The following ZHX3 variants were observed in gnomAD, a reference collection of about 807,000 sequenced individuals.
The protein encoded by ZHX3 is zinc fingers and homeoboxes 3, also known as zinc fingers and homeoboxes protein 3.
A neutral mutation model predicts 64.5 loss-of-function variants in ZHX3; 20 were observed. That is an observed-to-expected ratio of 0.31 (90% CI 0.22 to 0.45). ZHX3 has a LOEUF of 0.45. ZHX3 is among the 20% of genes least tolerant of loss of function. The probability of loss-of-function intolerance (pLI) is 1.00; values close to 1 mark genes in which losing one functional copy is unlikely to be tolerated. For synonymous variants in ZHX3, 423 were observed against 461.6 expected, an observed-to-expected ratio of 0.92 and a Z score of 1.07; for missense variants, 1,041 against 1,195.8, an observed-to-expected ratio of 0.87 and a Z score of 1.91.
At chr20:41,264,557 C>A (rs1379350062) in intron 2 of ZHX3, among the ~76,000 whole-genome samples, 2 of 101,358 alleles carry the variant, frequency 2.0e-5, no homozygotes, top group African/African-American at 5.4e-5. Context: ...GAAACTCCAT[C>A]TCAAAAAAAA....
At chr20:41,213,714 G>A (rs1327320578) in intron 2 of ZHX3, 2 of 152,234 alleles carry the variant, frequency 1.3e-5, no homozygotes, top group Non-Finnish European at 2.9e-5. Flanking sequence ...GGTATATAGT[G>A]TTCCTGGTAT....
chr20:41,254,413 T>G (rs1251255451), intron 2 of ZHX3, among the ~76,000 whole-genome samples: 2 of 152,182 alleles, frequency 1.3e-5, no homozygotes, highest in Admixed American at 6.5e-5. Flanking sequence ...CATGTAGCAC[T>G]TAGCTCAGTG....
In ZHX3 at chr20:41,179,830, A is replaced by T. The variant is rs1394930518; in HGVS notation, c.*5361T>A. The T allele has an allele frequency of 1.3e-5, 2 of 152,186 alleles. No individual in the cohort carries two copies. The highest frequency in any genetic ancestry group is 4.8e-5 in the African/African-American group (2 of 41,424). The allele number at this position is 152,186 out of a possible 1,614,324, so 9.4% of individuals were successfully genotyped here. The stretch of plus-strand genomic sequence containing the variant: ...TTTTTAGTAGAAACGGGGTTTCACC[A>T]TGCCGATCAGGCTGGTCTCGAACTC... On this transcript the variant is annotated 3_prime_UTR_variant, in exon 4 of 4. Coordinates refer to ENST00000683867, the MANE Select transcript of ZHX3 (RefSeq NM_001384317.1). This position sits in a 1 kb window ranked among gnomAD's most constrained non-coding sequence, Gnocchi z 4.3.
At chr20:41,279,701 C>T (rs754606497) in intron 1 of ZHX3, among the ~76,000 whole-genome samples, 1 of 152,010 alleles carries the variant, frequency 6.6e-6, no homozygotes, top group Admixed American at 6.6e-5. Flanking sequence ...AGGAAAGACA[C>T]CATCAGAATA....
intron 2 of ZHX3, among the ~76,000 whole-genome samples, chr20:41,227,376 T>G (rs2040335224): frequency 6.6e-6 from 1 of 152,212 alleles, no homozygotes; most frequent in African/African-American, 2.4e-5. Context: ...TCATAAATCC[T>G]GAAAATGAGA....
At chr20:41,230,844 A>T (rs1423672681) in intron 2 of ZHX3, among the ~76,000 whole-genome samples, 1 of 152,042 alleles carries the variant, frequency 6.6e-6, no homozygotes, top group African/African-American at 2.4e-5. Flanking sequence ...CATTTGTTAC[A>T]ACTGATCAAT....
chr20:41,274,407 T>C (rs929090979), intron 1 of ZHX3, among the ~76,000 whole-genome samples: 1 of 152,182 alleles, frequency 6.6e-6, no homozygotes. Context: ...CGCCAAAGAT[T>C]TTGCTCACAG....
chr20:41,283,782 A>G (rs576699807), intron 1 of ZHX3, among the ~76,000 whole-genome samples: 1 of 152,026 alleles, frequency 6.6e-6, no homozygotes, highest in South Asian at 2.1e-4. Flanking sequence ...ACTTTTATCT[A>G]TGGTCACTGT....
intron 2 of ZHX3, among the ~76,000 whole-genome samples, chr20:41,262,672 T>C (rs2042622323): frequency 6.6e-6 from 1 of 152,234 alleles, no homozygotes; most frequent in Non-Finnish European, 1.5e-5. Context: ...TTTACTTTTG[T>C]ATCTCCTGCA....
intron 3 of ZHX3, among the ~76,000 whole-genome samples, chr20:41,194,340 T>G (rs1180828566): frequency 1.3e-5 from 2 of 152,168 alleles, no homozygotes; most frequent in Non-Finnish European, 2.9e-5. Context: ...GGATGATGTG[T>G]TTTATTCTCT....
chr20:41,307,909 C>T (rs1049453419), intron 1 of ZHX3, among the ~76,000 whole-genome samples: 1 of 152,152 alleles, frequency 6.6e-6, no homozygotes, highest in Admixed American at 6.6e-5. Flanking sequence ...AAATGCACCT[C>T]GACTTTTTAA....
chr20:41,313,241 T>C (rs1356453378), intron 1 of ZHX3, among the ~76,000 whole-genome samples: 1 of 151,756 alleles, frequency 6.6e-6, no homozygotes, highest in African/African-American at 2.4e-5. Flanking sequence ...GAGAGGGAGA[T>C]TGAGAGATCA....
intron 2 of ZHX3, among the ~76,000 whole-genome samples, chr20:41,230,240 G>T (rs752763451): frequency 1.3e-5 from 2 of 151,412 alleles, no homozygotes; most frequent in African/African-American, 2.4e-5. Flanking sequence ...CACTTATCAC[G>T]TATTGGCTCT....
At chr20:41,295,711 C>T (rs745690489) in intron 1 of ZHX3, among the ~76,000 whole-genome samples, 7 of 152,016 alleles carry the variant, frequency 4.6e-5, no homozygotes, top group Admixed American at 1.3e-4. Context: ...GTTAGCCAGG[C>T]GTGGTAGCGG....
chr20:41,204,161 G>C lies in ZHX3; in HGVS notation c.756C>G (p.Ala252=), dbSNP rs111592779. The C allele has an allele frequency of 1.2e-6, 2 of 1,608,120 alleles. No homozygotes were observed. The highest frequency in any genetic ancestry group is 1.7e-5 in the Admixed American group (1 of 59,500). The change falls in exon 3 of 4, where the codon GCC becomes GCG. Residue 252 remains alanine (A), a synonymous_variant. Transcript: ENST00000683867. This position sits in a 1 kb window ranked among gnomAD's most constrained non-coding sequence, Gnocchi z 6.6. ...ASASSAKNPH[A]ANGPLIGTVP... is the part of the protein sequence containing the mutation. ...CTGTTCCTATCAGGGGCCCGTTGGC[G>C]GCATGGGGGTTTTTTGCAGAGCTGG...
intron 2 of ZHX3, among the ~76,000 whole-genome samples, chr20:41,233,068 A>G (rs1372345162): frequency 1.3e-5 from 2 of 152,204 alleles, no homozygotes; most frequent in African/African-American, 2.4e-5. Context: ...TACACAAGCA[A>G]CCTCAACTTC....
At position 41,228,657 on chromosome 20, in the gene ZHX3, C is replaced by T. The variant is rs555503284; in HGVS notation, c.-150-23591G>A. 6.6e-6 allele frequency among the ~76,000 whole-genome samples: 1 copy of T among 152,110 alleles called. No individual in the cohort carries two copies. The highest frequency in any genetic ancestry group is 1.5e-5 in the Non-Finnish European group (1 of 68,014). On this transcript the variant is annotated intron_variant, in intron 2 of 3. Transcript: ENST00000683867. This position sits in a 1 kb window ranked among gnomAD's most constrained non-coding sequence, Gnocchi z 4.6. ...ATTCATGAGAGCTCTATCCCAGTGA[C>T]CTAATTACCCTCCAAATGCCTCACC...
At chr20:41,284,212 T>C (rs1327138459) in intron 1 of ZHX3, among the ~76,000 whole-genome samples, 1 of 152,134 alleles carries the variant, frequency 6.6e-6, no homozygotes, top group Non-Finnish European at 1.5e-5. Flanking sequence ...TTATAAACAT[T>C]TGGGTACTTA....
At chr20:41,282,124 C>G (rs1470321827) in intron 1 of ZHX3, among the ~76,000 whole-genome samples, 3 of 152,008 alleles carry the variant, frequency 2.0e-5, no homozygotes, top group Admixed American at 2.0e-4. Context: ...ATGAAGAAGA[C>G]CAGAAAATAA....
Sources: allele counts gnomAD v4.1 joint callset (sites outside exome capture counted in the v4.1 genomes callset), GRCh38; gene constraint gnomAD v4.1.1; non-coding constraint Gnocchi (gnomAD v3.1); transcripts MANE v1.5; gene names NCBI Gene and HGNC (gene_info 2026-07-23, HGNC 2026-07-21).